Variants in OLR1 observed in about 807,000 individuals in gnomAD.
OLR1 encodes the protein oxidized low density lipoprotein receptor 1.
OLR1 carries 23 observed loss-of-function variants against 31.7 expected under a neutral mutation model. That is an observed-to-expected ratio of 0.72 (90% CI 0.52 to 1.03). OLR1 has a LOEUF of 1.03. Ranked by LOEUF, OLR1 falls within the 50% of genes least tolerant of loss-of-function variation. The pLI, the probability that OLR1 is intolerant of heterozygous loss-of-function variation, is 0.00. For missense variants in OLR1, 286 were observed against 315.7 expected (o/e 0.91, Z 0.71); for synonymous variants, 117 against 115.8 (o/e 1.01, Z -0.07).
rs1054265917 is a variant in OLR1, at chr12:10,170,486, G to C, written c.77-1311C>G. On this transcript the variant is annotated intron_variant, in intron 1 of 5. Coordinates refer to ENST00000309539, the MANE Select transcript of OLR1 (RefSeq NM_002543.4). ...TTGTAGGGCATCAGATACCCTCATCGTGCTCTTTTTTTTTTTTTTTTTTTT... is the reference window on the plus strand; with the variant it reads ...TTGTAGGGCATCAGATACCCTCATCCTGCTCTTTTTTTTTTTTTTTTTTTT... The C allele has an allele frequency of 1.0e-4, 14 of 134,804 alleles. No homozygotes were observed. The Admixed American group carries it at 1.1e-3, about 10-fold the overall frequency. 8.4% of individuals were successfully genotyped at this position (134,804 alleles called of 1,614,324 possible). A position where few individuals can be genotyped will look rare whatever the true frequency, so the allele number is the denominator to read the frequency against.
upstream of OLR1, among the ~76,000 whole-genome samples, chr12:10,174,298 A>G (rs942047454): frequency 6.6e-6 from 1 of 152,078 alleles, no homozygotes; most frequent in East Asian, 1.9e-4. Context: ...CCTGTCCTCA[A>G]GTGATCCGCC....
At chr12:10,168,975 T>C (rs1368077789) in intron 2 of OLR1, 99 bp downstream of exon 2, 8 of 738,460 alleles carry the variant, frequency 1.1e-5, no homozygotes, top group African/African-American at 3.5e-5. Context: ...ATCAAGGCTG[T>C]TTGTAGTTGT....
intron 5 of OLR1, 42 bp from the exon 6 acceptor site, chr12:10,160,063 A>G: frequency 6.4e-7 from 1 of 1,566,854 alleles, no homozygotes; most frequent in Middle Eastern, 1.7e-4. Context: ...AAAAAAACTT[A>G]GGTTTACTGC....
intron 2 of OLR1, 70 bp downstream of exon 2, chr12:10,169,004 A>G: frequency 9.5e-7 from 1 of 1,055,616 alleles, no homozygotes; most frequent in East Asian, 2.5e-5. Context: ...AAACTTATAA[A>G]CCATATTTAT....
upstream of OLR1, among the ~76,000 whole-genome samples, chr12:10,174,624 T>C (rs538506504): frequency 6.5e-4 from 99 of 152,284 alleles, 1 homozygote; most frequent in African/African-American, 2.1e-3. Flanking sequence ...ACACTCCAGA[T>C]TTTAAATTAC....
Position 10,165,938 on chromosome 12 carries a change from C to T in OLR1, c.424+774G>A, listed in dbSNP as rs922487591. On this transcript the variant is annotated intron_variant, in intron 3 of 5. Coordinates refer to ENST00000309539, the MANE Select transcript of OLR1 (RefSeq NM_002543.4). ...AAAATTTAGAACTTCTTGCCGGGTG[C>T]GGTGGCTCACACCTGTAATCCCAGC... 5.3e-5 allele frequency among the ~76,000 whole-genome samples: 8 copies of T among 151,958 alleles called. No individual in the cohort carries two copies. In the South Asian group the frequency reaches 6.2e-4, roughly 12 times the overall value.
intron 4 of OLR1, 30 bp downstream of exon 4, chr12:10,160,756 C>G: frequency 2.5e-6 from 4 of 1,608,416 alleles, no homozygotes; most frequent in Non-Finnish European, 3.4e-6. Context: ...AACCAATACT[C>G]CACCCCAACA....
chr12:10,174,109 G>A (rs1948748706), upstream of OLR1, among the ~76,000 whole-genome samples: 1 of 152,146 alleles, frequency 6.6e-6, no homozygotes, highest in African/African-American at 2.4e-5. Context: ...TACCCAGGGT[G>A]GATTGCAATG....
At position 10,160,964 on chromosome 12, in the gene OLR1, G is replaced by C. The variant is rs1033557097; in HGVS notation, c.425-39C>G. 1.9e-6 allele frequency: 3 copies of C among 1,593,574 alleles called. No homozygotes were observed. The African/African-American group carries it at 4.0e-5, about 21-fold the overall frequency. ...TATATCTCATCAGTCAGTTATGTTT[G>C]TGTAAAAGCAGTACTGCAGTTCTTA... On this transcript the variant is annotated intron_variant, in intron 3 of 5. Transcript: ENST00000309539.
chr12:10,161,515 A>G (rs571877532), intron 3 of OLR1, among the ~76,000 whole-genome samples: 23 of 152,330 alleles, frequency 1.5e-4, no homozygotes, highest in Middle Eastern at 3.4e-3. Context: ...TGTGTTGTCT[A>G]ATACAGTAGC....
upstream of OLR1, chr12:10,175,352 G>A (rs1250312437): frequency 1.3e-5 from 2 of 152,150 alleles, no homozygotes; most frequent in Non-Finnish European, 2.9e-5. Context: ...GAGCTTGCAA[G>A]TGAATCTTCC....
chr12:10,165,075 C>T (rs573109487), intron 3 of OLR1, among the ~76,000 whole-genome samples: 5 of 152,100 alleles, frequency 3.3e-5, no homozygotes, highest in Non-Finnish European at 7.4e-5. Context: ...CCAGCCTGGC[C>T]AACTTGGTGA....
intron 3 of OLR1, among the ~76,000 whole-genome samples, chr12:10,163,930 C>G (rs78559235): frequency 7.5e-6 from 1 of 133,360 alleles, no homozygotes; most frequent in South Asian, 2.4e-4. Context: ...GACTCCGTCT[C>G]AAAAAAAAAA....
Position 10,160,849 on chromosome 12 carries a change from C to T in OLR1, c.501G>A (p.Lys167=). 6.2e-7 allele frequency: 1 copy of T among 1,614,026 alleles called. No individual in the cohort carries two copies. The highest frequency in any genetic ancestry group is 2.2e-5 in the East Asian group (1 of 44,876). The change falls in exon 4 of 6, where the codon AAG becomes AAA. Residue 167 remains lysine, a synonymous_variant. Transcript: ENST00000309539. The part of the protein sequence containing the change: ...LFSSGSFNWE[K]SQEKCLSLDA... ...CCAAAGACAAGCACTTCTCTTGGCTCTTTTCCCAGTTAAATGAGCCCGAGG... is the reference window on the plus strand; with the variant it reads ...CCAAAGACAAGCACTTCTCTTGGCTTTTTTCCCAGTTAAATGAGCCCGAGG...
At chr12:10,162,891 C>T (rs1278455840) in intron 3 of OLR1, among the ~76,000 whole-genome samples, 2 of 152,050 alleles carry the variant, frequency 1.3e-5, no homozygotes, top group East Asian at 3.8e-4. Flanking sequence ...GGCAAGTTTT[C>T]CCAGTTATGA....
intron 3 of OLR1, among the ~76,000 whole-genome samples, chr12:10,162,178 C>T (rs1948626351): frequency 6.6e-6 from 1 of 151,866 alleles, no homozygotes; most frequent in South Asian, 2.1e-4. Context: ...ACTATCATCA[C>T]CATCATCATC....
intron 1 of OLR1, chr12:10,170,583 C>G (rs1177396262): frequency 2.6e-5 from 4 of 151,318 alleles, no homozygotes; most frequent in Admixed American, 2.0e-4. Flanking sequence ...CCTCCGCCTC[C>G]TGGGTTCGAG....
intron 2 of OLR1, chr12:10,167,205 C>T (rs186642480): frequency 8.0e-4 from 289 of 360,170 alleles, no homozygotes; most frequent in Non-Finnish European, 1.3e-3. Flanking sequence ...TGGCCAGGCA[C>T]GGTGGCTCAG....
chr12:10,161,780 G>T (rs979409074), intron 3 of OLR1, among the ~76,000 whole-genome samples: 4 of 151,894 alleles, frequency 2.6e-5, no homozygotes, highest in Non-Finnish European at 5.9e-5. Context: ...AAAAGAAAAA[G>T]AATGTAAAAT....
Sources: allele counts gnomAD v4.1 joint callset (sites outside exome capture counted in the v4.1 genomes callset), GRCh38; gene constraint gnomAD v4.1.1; transcripts MANE v1.5; gene names NCBI Gene and HGNC (gene_info 2026-07-23, HGNC 2026-07-21).